Variants in DDB1 observed in about 807,000 individuals in gnomAD.
DDB1 encodes damage specific DNA binding protein 1, also known as DNA damage-binding protein 1.
Under a neutral mutation model 133.1 loss-of-function variants are expected in DDB1, and 18 were observed. That is an observed-to-expected ratio of 0.14 (90% CI 0.09 to 0.20). The LOEUF (loss-of-function observed/expected upper bound fraction) is 0.20. Among genes scored for constraint, DDB1 ranks in the 10% least tolerant of loss-of-function variants. DDB1 has a pLI of 1.00. For synonymous variants in DDB1, 580 were observed against 550.5 expected, an observed-to-expected ratio of 1.05 and a Z score of -0.75; for missense variants, 828 against 1,459.2, an observed-to-expected ratio of 0.57 and a Z score of 7.05.
chr11:61,326,037 CT>C (rs1856264386), intron 5 of DDB1: 9 of 367,576 alleles, frequency 2.4e-5, no homozygotes, highest in Non-Finnish European at 3.0e-5. Flanking sequence ...AAAGCTTTTA[CT>C]TTTTTTTCCT....
At chr11:61,304,090 C>CT in intron 21 of DDB1, 55 bp from the exon 22 acceptor site, 1 of 1,595,056 alleles carries the variant, frequency 6.3e-7, no homozygotes, top group South Asian at 1.1e-5. Flanking sequence ...CTCAGAATGA[C>CT]TCCCCCCAAC....
chr11:61,318,791 T>G (rs1430186832), intron 10 of DDB1, among the ~76,000 whole-genome samples: 1 of 152,224 alleles, frequency 6.6e-6, no homozygotes, highest in East Asian at 1.9e-4. Flanking sequence ...TTTTTTTACA[T>G]TAAGTTTTTC....
At chr11:61,318,569 G>A (rs142935251) in intron 10 of DDB1, among the ~76,000 whole-genome samples, 2 of 152,170 alleles carry the variant, frequency 1.3e-5, no homozygotes, top group Admixed American at 1.3e-4. Flanking sequence ...AAAATTTAGT[G>A]ATCTTTCTAT....
chr11:61,304,474 A>G (rs556164447), intron 21 of DDB1, among the ~76,000 whole-genome samples: 1 of 152,082 alleles, frequency 6.6e-6, no homozygotes, highest in Non-Finnish European at 1.5e-5. Context: ...CTCAAAAAAA[A>G]GAAAGAAAGA....
chr11:61,320,310 C>T (rs894270518), intron 10 of DDB1, among the ~76,000 whole-genome samples: 2 of 151,958 alleles, frequency 1.3e-5, no homozygotes, highest in African/African-American at 4.8e-5. Context: ...AAGTGCCTCT[C>T]CCGTCTCAGC....
At chr11:61,303,398 C>T (rs1190160016) in intron 22 of DDB1, 1 of 446,368 alleles carries the variant, frequency 2.2e-6, no homozygotes. Context: ...TCTAAAAATA[C>T]TTAATCAGGG....
At chr11:61,302,491 G>C in intron 24 of DDB1, 91 bp downstream of exon 24, 1 of 1,586,904 alleles carries the variant, frequency 6.3e-7, no homozygotes, top group Admixed American at 1.7e-5. Flanking sequence ...TAAACACCTA[G>C]GTCTTGTACA....
At chr11:61,317,004 T>C (rs1397782460) in intron 10 of DDB1, among the ~76,000 whole-genome samples, 1 of 102,258 alleles carries the variant, frequency 9.8e-6, no homozygotes, top group Non-Finnish European at 2.1e-5. Flanking sequence ...TATATAGACA[T>C]GGCAGCCTGA....
chr11:61,303,721 A>C (rs1855837566), intron 22 of DDB1, 144 bp downstream of exon 22: 1 of 939,566 alleles, frequency 1.1e-6, no homozygotes. Flanking sequence ...AAAAAAAAAA[A>C]AAACTTAATC....
At position 61,315,668 on chromosome 11, in the gene DDB1, G is replaced by A. The variant is rs565451041; in HGVS notation, c.1410+617C>T. ...AGGTAAGGAGAGAGTGCTAAAAGCTGAAGGATGTCAGGGTCACTCCAAACT... is the reference window on the plus strand; with the variant it reads ...AGGTAAGGAGAGAGTGCTAAAAGCTAAAGGATGTCAGGGTCACTCCAAACT... On this transcript the variant is annotated intron_variant, in intron 12 of 26. Coordinates refer to ENST00000301764, the MANE Select transcript of DDB1 (RefSeq NM_001923.5). The A allele has an allele frequency of 5.9e-5, 9 of 152,708 alleles. No homozygotes were observed. The South Asian group carries it at 1.9e-3, about 32-fold the overall frequency. 9.5% of individuals were successfully genotyped at this position (152,708 alleles called of 1,614,324 possible).
At chr11:61,300,961 T>A (rs371220814) in intron 25 of DDB1, 29 bp from the exon 26 acceptor site, 21 of 1,613,120 alleles carry the variant, frequency 1.3e-5, no homozygotes, top group Admixed American at 3.3e-5. Context: ...GAACACGTGC[T>A]TATCAGGAAA....
chr11:61,300,721 G>A, intron 26 of DDB1, 88 bp downstream of exon 26: 1 of 1,564,794 alleles, frequency 6.4e-7, no homozygotes, highest in Admixed American at 1.8e-5. Flanking sequence ...TTGGAACTGA[G>A]GAGGAGAGGT....
At chr11:61,311,517 G>A (rs767418414) in intron 18 of DDB1, among the ~76,000 whole-genome samples, 1 of 151,670 alleles carries the variant, frequency 6.6e-6, no homozygotes. Flanking sequence ...TCCTCTATTC[G>A]ACCACTCTAC....
At chr11:61,331,171 A>G (rs550387196) in intron 2 of DDB1, among the ~76,000 whole-genome samples, 3 of 152,212 alleles carry the variant, frequency 2.0e-5, no homozygotes, top group South Asian at 4.1e-4. Flanking sequence ...AAAGAAGTCA[A>G]CTTCATAAAT....
intron 21 of DDB1, 148 bp from the exon 22 acceptor site, chr11:61,304,183 TTTA>T: frequency 2.8e-6 from 2 of 703,748 alleles, no homozygotes; most frequent in Non-Finnish European, 4.6e-6. Flanking sequence ...GGGGTGAACA[TTTA>T]TTATTTCACT....
chr11:61,302,076 C>T (rs1855805278), intron 25 of DDB1, 181 bp downstream of exon 25: 3 of 557,030 alleles, frequency 5.4e-6, no homozygotes, highest in Non-Finnish European at 9.6e-6. Context: ...AGTCAATATA[C>T]TGTTCTATTG....
chr11:61,328,090 T>C (rs557532849), intron 4 of DDB1, among the ~76,000 whole-genome samples: 89 of 152,298 alleles, frequency 5.8e-4, no homozygotes, highest in African/African-American at 2.1e-3. Flanking sequence ...CCCTGAAGCT[T>C]AGAACAACCA....
In DDB1 at chr11:61,310,441, T is replaced by G. The variant is rs770828280; in HGVS notation, c.2278-23A>C. 8 of 1,580,516 alleles carry G rather than the reference T, an allele frequency of 5.1e-6. No homozygotes were observed. The East Asian group carries it at 1.6e-4, about 31-fold the overall frequency. ...AGCCTGCAAACAGAGAGAATGCACA[T>G]CATCCTTCTCAAACACAGAAGAAGT... On this transcript the variant is annotated intron_variant, in intron 18 of 26. Transcript: ENST00000301764.
intron 16 of DDB1, among the ~76,000 whole-genome samples, chr11:61,313,124 A>G (rs1182242028): frequency 6.6e-6 from 1 of 152,294 alleles, no homozygotes; most frequent in East Asian, 1.9e-4. Flanking sequence ...GAGAATCTGC[A>G]TTTCTAACAA....
Sources: gnomAD v4.1 joint callset for allele counts (sites outside exome capture counted in the v4.1 genomes callset) on GRCh38, gnomAD v4.1.1 for gene constraint, MANE v1.5 for transcripts, NCBI Gene and HGNC (gene_info 2026-07-23, HGNC 2026-07-21) for gene names.